ASXL1: variants seen among roughly 807,000 people sequenced by gnomAD.
ASXL1 encodes the protein polycomb group protein ASXL1.
ASXL1 carries 65 observed loss-of-function variants against 89.1 expected under a neutral mutation model. That is an observed-to-expected ratio of 0.73 (90% CI 0.60 to 0.90). The LOEUF (loss-of-function observed/expected upper bound fraction) is 0.90. Among genes scored for constraint, ASXL1 ranks in the 40% least tolerant of loss-of-function variants. ASXL1 has a pLI of 0.00. For missense variants in ASXL1, 1,786 were observed against 1,942.9 expected (o/e 0.92, Z 1.52); for synonymous variants, 739 against 746.9 (o/e 0.99, Z 0.17).
chr20:32,360,397 G>A (rs1401631345), intron 1 of ASXL1: 1 of 153,998 alleles, frequency 6.5e-6, no homozygotes, highest in African/African-American at 2.4e-5. Flanking sequence ...GAAATTTCAG[G>A]ATTTCTCTAA....
Position 32,378,809 on chromosome 20 carries a change from C to CA in ASXL1, c.252+9696dup, listed in dbSNP as rs542915250. On this transcript the variant is annotated intron_variant, in intron 4 of 12. Transcript: ENST00000375687. ...ATGGTGGCTCATGCTTACCCTGTCTCAAAAAAAAAACACCCTCAACTAAAT... is the reference window on the plus strand; with the variant it reads ...ATGGTGGCTCATGCTTACCCTGTCTCAAAAAAAAAAACACCCTCAACTAAAT... Among the ~76,000 whole-genome samples, 225 of 143,922 alleles carry CA rather than the reference C, an allele frequency of 1.6e-3. 1 individual carries two copies. The highest frequency in any genetic ancestry group is 9.6e-3 in the South Asian group (43 of 4,478). 94.4% of individuals were successfully genotyped at this position (143,922 alleles called of 152,430 possible). A position where few individuals can be genotyped will look rare whatever the true frequency, so the allele number is the denominator to read the frequency against.
In ASXL1 at chr20:32,430,041, A is replaced by C. The variant is rs761932590; in HGVS notation, c.706A>C (p.Lys236Gln). The change falls in exon 8 of 13, where the codon AAG becomes CAG. Residue 236 changes from lysine (K) to glutamine (Q), a missense_variant. Lys to Gln is a moderately conservative substitution (Grantham distance 53). This residue lies in a region of ASXL1 where 332 missense variants were observed against 449.7 expected (regional missense o/e 0.74). Coordinates refer to ENST00000375687, the MANE Select transcript of ASXL1 (RefSeq NM_015338.6). ...DPAPLLRGFR[K>Q]PATGQMKRNR... ...TGCCCCGCTCCTGAGAGGCTTCCGG[A>C]AGCCAGCCACAGGTGAGTGGCGTGG... The C allele has an allele frequency of 3.7e-6, 6 of 1,604,740 alleles. No individual in the cohort carries two copies. In the South Asian group the frequency reaches 6.6e-5, roughly 18 times the overall value.
At chr20:32,370,216 C>T (rs995747577) in intron 4 of ASXL1, among the ~76,000 whole-genome samples, 3 of 152,086 alleles carry the variant, frequency 2.0e-5, no homozygotes, top group African/African-American at 7.2e-5. Flanking sequence ...CCGAAATGAA[C>T]AGGCTAATTA....
At position 32,436,492 on chromosome 20, in the gene ASXL1, A is replaced by T; in HGVS notation, c.3780A>T (p.Gly1260=). The change falls in exon 13 of 13, where the codon GGA becomes GGT. Residue 1260 remains glycine (G), a synonymous_variant. Coordinates refer to ENST00000375687, the MANE Select transcript of ASXL1 (RefSeq NM_015338.6). The part of the protein sequence containing the change: ...SQDSNSNAAP[G]KSPGDLTTSR... ...ACAGTAATTCAAATGCTGCTCCAGG[A>T]AAGAGCCCAGGAGATCTTACTACCT... 2 of 1,614,224 alleles carry T rather than the reference A, an allele frequency of 1.2e-6. No individual in the cohort carries two copies. Among genetic ancestry groups the T allele is most frequent in the Non-Finnish European group, 1.7e-6 (2 of 1,180,042 alleles).
At chr20:32,375,585 T>A (rs1600486174) in intron 4 of ASXL1, among the ~76,000 whole-genome samples, 2 of 152,340 alleles carry the variant, frequency 1.3e-5, no homozygotes, top group Non-Finnish European at 2.9e-5. Context: ...CATTTCAAAA[T>A]TATTCTTTGT....
Position 32,434,684 on chromosome 20 carries a change from G to T in ASXL1, c.1972G>T (p.Gly658Ter). 6.2e-7 allele frequency: 1 copy of T among 1,605,066 alleles called. No individual in the cohort carries two copies. Among genetic ancestry groups the T allele is most frequent in the Non-Finnish European group, 8.5e-7 (1 of 1,176,008 alleles). The change falls in exon 13 of 13, where the codon GGA (glycine) becomes TGA (stop). Residue 658 changes from glycine (G) to a stop codon, truncating the protein, a stop_gained. Coordinates refer to ENST00000375687, the MANE Select transcript of ASXL1 (RefSeq NM_015338.6). LOFTEE classifies it low-confidence loss of function (END_TRUNC). ...GGGGGGATDE[G>*]GGRGSSSGDG... is the part of the protein sequence containing the mutation. Reference sequence around the variant, plus strand: ...AGGTGGCGGCGGGGCCACCGATGAGGGAGGTGGCAGAGGCAGCAGCAGTGG... The same window carrying T: ...AGGTGGCGGCGGGGCCACCGATGAGTGAGGTGGCAGAGGCAGCAGCAGTGG...
chr20:32,416,384 A>G (rs754627231), intron 4 of ASXL1, among the ~76,000 whole-genome samples: 21 of 152,174 alleles, frequency 1.4e-4, no homozygotes, highest in South Asian at 2.1e-4. Context: ...TTTTATGCCA[A>G]ACCCCAATCC....
At chr20:32,416,801 G>A (rs2049145538) in intron 4 of ASXL1, among the ~76,000 whole-genome samples, 1 of 152,054 alleles carries the variant, frequency 6.6e-6, no homozygotes, top group Non-Finnish European at 1.5e-5. Context: ...CATTTTCTTT[G>A]CATTTTGTAA....
intron 1 of ASXL1, among the ~76,000 whole-genome samples, chr20:32,363,936 T>G (rs2048163992): frequency 6.6e-6 from 1 of 152,112 alleles, no homozygotes. Flanking sequence ...ATTGTGAGGG[T>G]TCCATATGCC....
chr20:32,433,799 C>G lies in ASXL1; in HGVS notation c.1601C>G (p.Ser534Cys), dbSNP rs1458183314. ...RKSFEQAASA[S>C]FPEKKPRLED... ...TCCTTTGAGCAGGCGGCCTCTGCAT[C>G]CTTTCCCGAAAAGAAGCCCCGGCTT... Residue 534 changes from serine (S) to cysteine (C), a missense_variant, in exon 12 of 13, where the codon TCC becomes TGC. Transcript: ENST00000375687. 3 of 1,614,086 alleles carry G rather than the reference C, an allele frequency of 1.9e-6. No individual in the cohort carries two copies. Among genetic ancestry groups the G allele is most frequent in the Non-Finnish European group, 2.5e-6 (3 of 1,180,058 alleles).
At chr20:32,423,836 AC>A (rs1251356054) in intron 4 of ASXL1, among the ~76,000 whole-genome samples, 5 of 152,244 alleles carry the variant, frequency 3.3e-5, no homozygotes, top group African/African-American at 4.8e-5. Flanking sequence ...GGCTTGAGCC[AC>A]TGCACCTGGC....
At chr20:32,366,268 G>A (rs1600470847) in intron 1 of ASXL1, 116 bp from the exon 2 acceptor site, 6 of 899,136 alleles carry the variant, frequency 6.7e-6, no homozygotes, top group Non-Finnish European at 1.1e-5. Flanking sequence ...TTTAACTGTG[G>A]AAAAACTAAG....
At chr20:32,396,262 G>A (rs530997791) in intron 4 of ASXL1, among the ~76,000 whole-genome samples, 11 of 152,214 alleles carry the variant, frequency 7.2e-5, no homozygotes, top group Middle Eastern at 6.8e-3. Context: ...AGATTTCCCA[G>A]TTCTTTGCAA....
chr20:32,388,077 A>C (rs1214442575), intron 4 of ASXL1, among the ~76,000 whole-genome samples: 1 of 152,176 alleles, frequency 6.6e-6, no homozygotes, highest in Non-Finnish European at 1.5e-5. Flanking sequence ...AGAGTGGTTT[A>C]AGCCACCTTC....
chr20:32,426,733 G>A (rs1056216414), intron 4 of ASXL1, among the ~76,000 whole-genome samples: 2 of 151,312 alleles, frequency 1.3e-5, no homozygotes, highest in South Asian at 2.1e-4. Context: ...CTAATTTTTT[G>A]TATTTTAGTA....
chr20:32,415,809 G>A (rs984364638), intron 4 of ASXL1, among the ~76,000 whole-genome samples: 5 of 151,870 alleles, frequency 3.3e-5, no homozygotes, highest in Admixed American at 3.3e-4. Flanking sequence ...CACTTTTACT[G>A]TTCCCTTATA....
At chr20:32,376,817 A>G (rs906369990) in intron 4 of ASXL1, among the ~76,000 whole-genome samples, 8 of 73,174 alleles carry the variant, frequency 1.1e-4, no homozygotes, top group African/African-American at 2.8e-4. Context: ...AATGTATTTT[A>G]TATATTATAT....
chr20:32,434,335 C>T, intron 12 of ASXL1, 97 bp from the exon 13 acceptor site: 1 of 1,422,014 alleles, frequency 7.0e-7, no homozygotes, highest in Admixed American at 1.7e-5. Context: ...TTCTGTATGC[C>T]ATGACCCTTA....
At chr20:32,380,967 G>T (rs935780549) in intron 4 of ASXL1, among the ~76,000 whole-genome samples, 1 of 150,094 alleles carries the variant, frequency 6.7e-6, no homozygotes, top group Non-Finnish European at 1.5e-5. Context: ...CCTACTTCTC[G>T]AATGGTTCTC....
Sources: gnomAD v4.1 joint callset for allele counts (sites outside exome capture counted in the v4.1 genomes callset) on GRCh38, gnomAD v4.1.1 for gene constraint, gnomAD v4.1.1 regional missense constraint, MANE v1.5 for transcripts, NCBI Gene and HGNC (gene_info 2026-07-23, HGNC 2026-07-21) for gene names.